COL23A1: variants seen among roughly 807,000 people sequenced by gnomAD.
COL23A1 encodes the protein collagen alpha-1(XXIII) chain.
In COL23A1, 97 loss-of-function variants were observed where a neutral mutation model predicts 99.3. The observed-to-expected ratio is 0.98, with a 90% CI of 0.83 to 1.16. The LOEUF (loss-of-function observed/expected upper bound fraction) is 1.16, where lower values mean the gene tolerates loss of function less well. Among genes scored for constraint, COL23A1 ranks in the 50% most tolerant of loss-of-function variants. The probability of loss-of-function intolerance (pLI) is 0.00; values close to 1 mark genes in which losing one functional copy is unlikely to be tolerated. For synonymous variants in COL23A1, 320 were observed against 308.2 expected (o/e 1.04, Z -0.40); for missense variants, 762 against 757.4 (o/e 1.01, Z -0.07).
chr5:178,469,626 C>A (rs1239274640), intron 2 of COL23A1, among the ~76,000 whole-genome samples: 4 of 152,072 alleles, frequency 2.6e-5, no homozygotes, highest in South Asian at 2.1e-4. Context: ...GCAGCTGGGA[C>A]CTGCCTTCAT....
At chr5:178,355,120 A>G (rs1307513962) in intron 2 of COL23A1, among the ~76,000 whole-genome samples, 2 of 152,154 alleles carry the variant, frequency 1.3e-5, no homozygotes, top group Admixed American at 1.3e-4. Flanking sequence ...CATTTACATC[A>G]TATTAGGCAT....
intron 25 of COL23A1, among the ~76,000 whole-genome samples, chr5:178,245,564 ATT>A (rs1425709368): frequency 2.8e-5 from 4 of 141,924 alleles, no homozygotes; most frequent in Non-Finnish European, 6.1e-5. Flanking sequence ...CCATCCATCC[ATT>A]CACCCATCCA....
At chr5:178,540,129 G>A (rs1761207991) in intron 2 of COL23A1, among the ~76,000 whole-genome samples, 2 of 152,126 alleles carry the variant, frequency 1.3e-5, no homozygotes, top group South Asian at 2.1e-4. Flanking sequence ...CAGGATGCCT[G>A]CTATTTCCAA....
chr5:178,256,732 G>T, intron 14 of COL23A1, 134 bp downstream of exon 14: 1 of 837,366 alleles, frequency 1.2e-6, no homozygotes, highest in Non-Finnish European at 1.8e-6. Context: ...TGAGAGTGCT[G>T]AGGGAGACCC....
intron 3 of COL23A1, among the ~76,000 whole-genome samples, chr5:178,303,702 T>C (rs1291153995): frequency 6.6e-6 from 1 of 152,208 alleles, no homozygotes; most frequent in Non-Finnish European, 1.5e-5. Flanking sequence ...TGATCTTCAT[T>C]TGCCCACAAG....
At chr5:178,554,670 G>C (rs1762175659) in intron 2 of COL23A1, among the ~76,000 whole-genome samples, 1 of 152,008 alleles carries the variant, frequency 6.6e-6, no homozygotes, top group African/African-American at 2.4e-5. Flanking sequence ...ACATGCTTCT[G>C]GTATTGCCAA....
chr5:178,410,345 C>T (rs1764995500), intron 2 of COL23A1, among the ~76,000 whole-genome samples: 1 of 152,264 alleles, frequency 6.6e-6, no homozygotes, highest in South Asian at 2.1e-4. Flanking sequence ...CTCCAGCCAC[C>T]TTTTCTGCAA....
chr5:178,257,718 C>G, intron 12 of COL23A1, 151 bp from the exon 13 acceptor site: 1 of 785,302 alleles, frequency 1.3e-6, no homozygotes, highest in Non-Finnish European at 2.1e-6. Flanking sequence ...CCTTGCCCCT[C>G]CAGGGCAGGT....
At chr5:178,399,036 G>A (rs559639818) in intron 2 of COL23A1, among the ~76,000 whole-genome samples, 3 of 152,366 alleles carry the variant, frequency 2.0e-5, no homozygotes, top group Non-Finnish European at 2.9e-5. Context: ...CCCTGTGCAC[G>A]GGCAGAGGGC....
chr5:178,536,956 G>T lies in COL23A1; in HGVS notation c.361+23726C>A, dbSNP rs137876641. Among the ~76,000 whole-genome samples, 334 of 152,276 alleles carry T rather than the reference G, an allele frequency of 2.2e-3. 3 individuals are homozygous for T. Among genetic ancestry groups the T allele is most frequent in the African/African-American group, 7.2e-3 (299 of 41,566 alleles). On this transcript the variant is annotated intron_variant, in intron 2 of 28. Transcript: ENST00000390654. ...GGCCTGCACTGGGAGCAGCCATTAG[G>T]ATCTGACCCTGCAGAGCCACACAGG...
chr5:178,506,943 CCGTT>C (rs1758905820), intron 2 of COL23A1, among the ~76,000 whole-genome samples: 1 of 152,110 alleles, frequency 6.6e-6, no homozygotes, highest in East Asian at 1.9e-4. Context: ...GTATACAGGA[CCGTT>C]TGTTTTCAAT....
At chr5:178,587,013 G>C (rs1018361356) in intron 1 of COL23A1, among the ~76,000 whole-genome samples, 4 of 152,200 alleles carry the variant, frequency 2.6e-5, no homozygotes, top group Admixed American at 1.3e-4. Context: ...TTGTAAGCTG[G>C]CATGGTCTCC....
rs1363610440 is a variant in COL23A1 at position 178,366,427 on chromosome 5, T to C, written c.362-59508A>G. Among the ~76,000 whole-genome samples, 1 of 152,202 alleles carries C rather than the reference T, an allele frequency of 6.6e-6. No homozygotes were observed. The highest frequency in any genetic ancestry group is 2.4e-5 in the African/African-American group (1 of 41,442). On this transcript the variant is annotated intron_variant, in intron 2 of 28. Transcript: ENST00000390654. The surrounding 1 kb of genome is among the most constrained non-coding windows in gnomAD (Gnocchi z 4.4). ...TTCCCAGCTCCCATCCGCCCTTCCC[T>C]GCATCCTCCTGGGCTGGTTCCAGTT...
intron 2 of COL23A1, among the ~76,000 whole-genome samples, chr5:178,401,734 T>C (rs1176649740): frequency 6.6e-6 from 1 of 152,254 alleles, no homozygotes; most frequent in African/African-American, 2.4e-5. Context: ...AAAGTGCCTA[T>C]GCCATTTGAC....
chr5:178,552,514 T>G (rs1256726202), intron 2 of COL23A1, among the ~76,000 whole-genome samples: 1 of 151,982 alleles, frequency 6.6e-6, no homozygotes, highest in African/African-American at 2.4e-5. Flanking sequence ...AATATATACG[T>G]GTATCATTTT....
chr5:178,268,854 G>T, intron 6 of COL23A1, 98 bp from the exon 7 acceptor site: 1 of 1,270,568 alleles, frequency 7.9e-7, no homozygotes, highest in Non-Finnish European at 1.1e-6. Context: ...AAGGGCCCGT[G>T]ATGCTGGGCG....
At chr5:178,324,137 CCCTTTTGGGGGCACGAGGG>C (rs1759504807) in intron 2 of COL23A1, among the ~76,000 whole-genome samples, 1 of 151,790 alleles carries the variant, frequency 6.6e-6, no homozygotes, top group African/African-American at 2.4e-5. Flanking sequence ...TGGGCTGAGG[CCCTTTTGGGGGCACGAGGG>C]CTGGGGTTAC....
chr5:178,284,800 A>G (rs973503370), intron 5 of COL23A1, among the ~76,000 whole-genome samples: 14 of 152,212 alleles, frequency 9.2e-5, no homozygotes, highest in Admixed American at 2.6e-4. Flanking sequence ...ATGTAATTGT[A>G]TTTTAGATTA....
intron 2 of COL23A1, among the ~76,000 whole-genome samples, chr5:178,557,640 TG>T (rs1762347917): frequency 6.6e-6 from 1 of 151,920 alleles, no homozygotes; most frequent in African/African-American, 2.4e-5. Context: ...GGCTGCTAGG[TG>T]GGGAGCTGCG....
Sources: gnomAD v4.1 joint callset for allele counts (sites outside exome capture counted in the v4.1 genomes callset) on GRCh38, gnomAD v4.1.1 for gene constraint, Gnocchi (gnomAD v3.1) non-coding constraint, MANE v1.5 for transcripts, NCBI Gene and HGNC (gene_info 2026-07-23, HGNC 2026-07-21) for gene names.